WDR36: variants seen among roughly 807,000 people sequenced by gnomAD.
WDR36 encodes WD repeat domain 36.
A neutral mutation model predicts 112.7 loss-of-function variants in WDR36; 63 were observed. The observed-to-expected ratio is 0.56, with a 90% CI of 0.46 to 0.69. WDR36 has a LOEUF of 0.69. Ranked by LOEUF, WDR36 falls within the 30% of genes least tolerant of loss-of-function variation. The pLI, the probability that WDR36 is intolerant of heterozygous loss-of-function variation, is 0.00. For missense variants in WDR36, 1,226 were observed against 1,070.3 expected (o/e 1.15, Z -2.03); for synonymous variants, 410 against 362.2 (o/e 1.13, Z -1.50).
At chr5:111,114,264 C>T (rs1316374110) in intron 16 of WDR36, among the ~76,000 whole-genome samples, 1 of 151,994 alleles carries the variant, frequency 6.6e-6, no homozygotes. Flanking sequence ...GTGGGAATAG[C>T]AAAACATCTA....
chr5:111,113,441 C>T (rs78071686), intron 16 of WDR36, among the ~76,000 whole-genome samples: 1 of 151,602 alleles, frequency 6.6e-6, no homozygotes, highest in Non-Finnish European at 1.5e-5. Flanking sequence ...CTCATTTGAC[C>T]TTTTTGATAC....
rs1318763708 is a variant in WDR36, at chr5:111,102,336, T to G, written c.543-9T>G. On this transcript the variant is annotated splice_polypyrimidine_tract_variant and intron_variant, in intron 5 of 22. Transcript: ENST00000513710. ...AAAATACAGCTTTCAACTATTTTTC[T>G]TCTTGTAGTAAACTTCTATATACAT... 3.1e-6 allele frequency: 5 copies of G among 1,604,558 alleles called. No homozygotes were observed. The highest frequency in any genetic ancestry group is 1.3e-5 in the African/African-American group (1 of 74,528).
At chr5:111,106,473 G>A (rs186937081) in intron 11 of WDR36, among the ~76,000 whole-genome samples, 223 of 151,504 alleles carry the variant, frequency 1.5e-3, no homozygotes, top group African/African-American at 5.1e-3. Context: ...AGAACATAGA[G>A]CTCTGACTAA....
chr5:111,096,951 T>A (rs577976447), intron 2 of WDR36, 128 bp from the exon 3 acceptor site: 10 of 654,044 alleles, frequency 1.5e-5, no homozygotes, highest in African/African-American at 3.7e-5. Flanking sequence ...TATACACTGA[T>A]TCTCAACTTT....
chr5:111,097,710 A>T (rs1753022696), intron 3 of WDR36, among the ~76,000 whole-genome samples: 1 of 152,146 alleles, frequency 6.6e-6, no homozygotes, highest in African/African-American at 2.4e-5. Flanking sequence ...TTGGTTTCTG[A>T]ATTTGTCCTG....
Position 111,127,729 on chromosome 5 carries a change from G to A in WDR36, c.*846G>A, listed in dbSNP as rs1753701490. On this transcript the variant is annotated 3_prime_UTR_variant, in exon 23 of 23. Coordinates refer to ENST00000513710, the MANE Select transcript of WDR36 (RefSeq NM_139281.3). ...TAAACTGATACCAAGGATAGGTAAG[G>A]GAAATTCCAAATTCCATTGGAAGAT... 4.7e-6 allele frequency: 1 copy of A among 210,632 alleles called. No individual in the cohort carries two copies. The highest frequency in any genetic ancestry group is 5.9e-5 in the Admixed American group (1 of 17,006). The allele number at this position is 210,632 out of a possible 1,614,324, so 13.0% of individuals were successfully genotyped here. A position where few individuals can be genotyped will look rare whatever the true frequency, so the allele number is the denominator to read the frequency against.
At position 111,097,076 on chromosome 5, in the gene WDR36, T is replaced by C; in HGVS notation, c.191-3T>C. 6.2e-7 allele frequency: 1 copy of C among 1,607,796 alleles called. No homozygotes were observed. On this transcript the variant is annotated splice_region_variant and splice_polypyrimidine_tract_variant and intron_variant, in intron 2 of 22. Transcript: ENST00000513710. Reference sequence around the variant, plus strand: ...GTTTCTTTCATTTTGTATTTTCTGCTAGGTAATTCTGTTCCACAGGATATC... The same window carrying C: ...GTTTCTTTCATTTTGTATTTTCTGCCAGGTAATTCTGTTCCACAGGATATC...
Position 111,113,075 on chromosome 5 carries a change from CT to C in WDR36, c.1722del (p.Phe574LeufsTer8). 5 of 1,341,258 alleles carry C rather than the reference CT, an allele frequency of 3.7e-6. No homozygotes were observed. The highest frequency in any genetic ancestry group is 3.9e-6 in the Non-Finnish European group (4 of 1,024,094). The allele number at this position is 1,341,258 out of a possible 1,614,324, so 83.1% of individuals were successfully genotyped here. Reference protein sequence around the residue: ...SGHQGQINDMAFSPDGRWLIS... With the variant: ...SGHQGQINDMXFSPDGRWLIS... Reference sequence around the variant, plus strand: ...ATATTTTTTTTTTTTAATTTAAAGGCTTTTAGTCCTGATGGTCGTTGGTTAA... The same window carrying C: ...ATATTTTTTTTTTTTAATTTAAAGGCTTTAGTCCTGATGGTCGTTGGTTAA... On this transcript the variant is annotated frameshift_variant and splice_region_variant, in exon 16 of 23. Transcript: ENST00000513710. LOFTEE classifies it high-confidence loss of function.
In WDR36 at chr5:111,129,667, A is replaced by G. The variant is rs769024290; in HGVS notation, c.*2784A>G. ...CTTAGCCATTTGGCTTTAATTTTACATGGTGTCTGTTTAAATAAATGTTTT... is the reference window on the plus strand; with the variant it reads ...CTTAGCCATTTGGCTTTAATTTTACGTGGTGTCTGTTTAAATAAATGTTTT... On this transcript the variant is annotated 3_prime_UTR_variant, in exon 23 of 23. Coordinates refer to ENST00000513710, the MANE Select transcript of WDR36 (RefSeq NM_139281.3). 2.0e-5 allele frequency: 4 copies of G among 203,850 alleles called. No homozygotes were observed. The highest frequency in any genetic ancestry group is 1.0e-5 in the Non-Finnish European group (1 of 99,680). 12.6% of individuals were successfully genotyped at this position (203,850 alleles called of 1,614,324 possible). A position where few individuals can be genotyped will look rare whatever the true frequency, so the allele number is the denominator to read the frequency against.
At chr5:111,097,853 A>C (rs1370727670) in intron 3 of WDR36, among the ~76,000 whole-genome samples, 8 of 152,238 alleles carry the variant, frequency 5.3e-5, no homozygotes. Context: ...TGGTTCCCAC[A>C]GTCTTTCATC....
Position 111,117,087 on chromosome 5 carries a change from A to G in WDR36, c.1797-1926A>G, listed in dbSNP as rs116331756. 5.1e-3 allele frequency among the ~76,000 whole-genome samples: 778 copies of G among 152,314 alleles called. 3 individuals carry two copies. Among genetic ancestry groups the G allele is most frequent in the African/African-American group, 0.018 (739 of 41,570 alleles). ...TAATAGTGTATGGCATAGAATAAGTATTTAGCAAATGTTTTCTTTTCCCCA... is the reference window on the plus strand; with the variant it reads ...TAATAGTGTATGGCATAGAATAAGTGTTTAGCAAATGTTTTCTTTTCCCCA... On this transcript the variant is annotated intron_variant, in intron 16 of 22. Coordinates refer to ENST00000513710, the MANE Select transcript of WDR36 (RefSeq NM_139281.3).
Position 111,126,769 on chromosome 5 carries a change from C to A in WDR36, c.2574C>A (p.Leu858=), listed in dbSNP as rs539450069. The change falls in exon 23 of 23, where the codon CTC becomes CTA. Residue 858 remains leucine (L), a synonymous_variant. Transcript: ENST00000513710. ...AAATGCTTCCTTCAGAGCCAGTACT[C>A]CTAGAAGAAATAACAAATTTGTCAT... ...HLKMLPSEPV[L]LEEITNLSSQ... 6 of 1,613,708 alleles carry A rather than the reference C, an allele frequency of 3.7e-6. No homozygotes were observed. In the African/African-American group the frequency reaches 8.0e-5, roughly 22 times the overall value.
intron 16 of WDR36, among the ~76,000 whole-genome samples, chr5:111,116,741 A>G (rs968624447): frequency 2.6e-5 from 4 of 152,180 alleles, no homozygotes; most frequent in African/African-American, 4.8e-5. Flanking sequence ...ACCTTCCTCA[A>G]TTTGGTGGTT....
chr5:111,123,223 AATACTT>A (rs1182584126), intron 19 of WDR36, among the ~76,000 whole-genome samples: 23 of 152,232 alleles, frequency 1.5e-4, no homozygotes, highest in Non-Finnish European at 3.1e-4. Flanking sequence ...TAGCATTTGA[AATACTT>A]ATAAACCAGC....
rs546545300 is a variant in WDR36 at position 111,120,858 on chromosome 5, G to A, written c.2003-138G>A. 3 of 833,908 alleles carry A rather than the reference G, an allele frequency of 3.6e-6. No homozygotes were observed. The South Asian group carries it at 5.2e-5, about 14-fold the overall frequency. The allele number at this position is 833,908 out of a possible 1,614,324, so 51.7% of individuals were successfully genotyped here. On this transcript the variant is annotated intron_variant, in intron 18 of 22. Coordinates refer to ENST00000513710, the MANE Select transcript of WDR36 (RefSeq NM_139281.3). ...TATGAGAAAATAAGGAAAAGACAGG[G>A]ATAAGTAAATGAAATAAATGAACAG...
At chr5:111,114,911 G>T (rs1005278051) in intron 16 of WDR36, among the ~76,000 whole-genome samples, 1 of 152,214 alleles carries the variant, frequency 6.6e-6, no homozygotes, top group Middle Eastern at 3.4e-3. Flanking sequence ...TAGTAAATTG[G>T]CAATGTATTA....
intron 8 of WDR36, 91 bp from the exon 9 acceptor site, chr5:111,104,605 TC>T: frequency 6.3e-7 from 1 of 1,590,044 alleles, no homozygotes; most frequent in Non-Finnish European, 8.6e-7. Flanking sequence ...CAAGCACTAC[TC>T]AATACCAGTT....
chr5:111,099,694 T>C (rs1753079791), intron 4 of WDR36, among the ~76,000 whole-genome samples: 3 of 151,946 alleles, frequency 2.0e-5, no homozygotes. Context: ...ACCAGTATAT[T>C]CAGGGAGCCA....
At position 111,100,610 on chromosome 5, in the gene WDR36, T is replaced by C. The variant is rs1753103790; in HGVS notation, c.431T>C (p.Phe144Ser). 4 of 1,587,292 alleles carry C rather than the reference T, an allele frequency of 2.5e-6. No individual in the cohort carries two copies. Among genetic ancestry groups the C allele is most frequent in the Admixed American group, 1.7e-5 (1 of 58,892 alleles). Reference sequence around the variant, plus strand: ...GTAGAAGAATACCTGCAGTTGACTTTTGATAAATCAGTATTTAAAATTTCT... The same window carrying C: ...GTAGAAGAATACCTGCAGTTGACTTCTGATAAATCAGTATTTAAAATTTCT... Reference protein sequence around the residue: ...YSEEEYLQLTFDKSVFKISAI... With the variant: ...YSEEEYLQLTSDKSVFKISAI... Residue 144 changes from phenylalanine (F) to serine (S), a missense_variant, in exon 5 of 23, where the codon TTT becomes TCT. Phe to Ser is a radical substitution (Grantham distance 155). Coordinates refer to ENST00000513710, the MANE Select transcript of WDR36 (RefSeq NM_139281.3).
Sources: allele counts gnomAD v4.1 joint callset (sites outside exome capture counted in the v4.1 genomes callset), GRCh38; gene constraint gnomAD v4.1.1; transcripts MANE v1.5; gene names NCBI Gene and HGNC (gene_info 2026-07-23, HGNC 2026-07-21).